The following TCF7L2 variants were observed in gnomAD, a reference collection of about 807,000 sequenced individuals.
The protein encoded by TCF7L2 is transcription factor 7 like 2, also known as transcription factor 7-like 2.
In TCF7L2, 23 loss-of-function variants were observed where a neutral mutation model predicts 77.9. The ratio of observed to expected loss-of-function variants is 0.30; its 90% confidence interval spans 0.21 to 0.42. The LOEUF is 0.42. Ranked by LOEUF, TCF7L2 falls within the 10% of genes least tolerant of loss-of-function variation. TCF7L2 has a pLI of 1.00. For synonymous variants in TCF7L2, 413 were observed against 340.2 expected, an observed-to-expected ratio of 1.21 and a Z score of -2.36; for missense variants, 654 against 793.1, an observed-to-expected ratio of 0.82 and a Z score of 2.11.
intron 5 of TCF7L2, chr10:113,126,739 C>T (rs1183951167): frequency 1.0e-6 from 1 of 985,788 alleles, no homozygotes; most frequent in Non-Finnish European, 1.2e-6. Context: ...GCCGCGGGTG[C>T]GCGGCGGCGG....
At position 112,962,141 on chromosome 10, in the gene TCF7L2, T is replaced by C. The variant is rs1042691735; in HGVS notation, c.382-2415T>C. On this transcript the variant is annotated intron_variant, in intron 3 of 13. Transcript: ENST00000627217. ...ATTAATTTATTCATAAGATTGTGAC[T>C]ATATGAATTTTTTTCAACAACATAT... Among the ~76,000 whole-genome samples the C allele has an allele frequency of 2.6e-5, 4 of 152,190 alleles. No homozygotes were observed. The South Asian group carries it at 8.3e-4, about 31-fold the overall frequency.
At chr10:112,967,488 T>TG (rs2037223568) in intron 4 of TCF7L2, among the ~76,000 whole-genome samples, 1 of 152,206 alleles carries the variant, frequency 6.6e-6, no homozygotes, top group South Asian at 2.1e-4. Flanking sequence ...ATAAAAGGTT[T>TG]GGACACAATA....
chr10:112,983,667 C>T (rs2040934949), intron 4 of TCF7L2, among the ~76,000 whole-genome samples: 1 of 152,084 alleles, frequency 6.6e-6, no homozygotes, highest in Non-Finnish European at 1.5e-5. Context: ...TCCAATTTGC[C>T]TCAAAGACAA....
At chr10:113,136,166 G>T (rs1166829981) in intron 5 of TCF7L2, among the ~76,000 whole-genome samples, 2 of 152,162 alleles carry the variant, frequency 1.3e-5, no homozygotes, top group African/African-American at 2.4e-5. Flanking sequence ...TACTTCATAG[G>T]CTCGTTGTGA....
At chr10:113,075,500 G>C (rs780733964) in intron 5 of TCF7L2, among the ~76,000 whole-genome samples, 4 of 151,898 alleles carry the variant, frequency 2.6e-5, no homozygotes, top group Non-Finnish European at 4.4e-5. Flanking sequence ...ATCTTTAAAT[G>C]AATGGCAACC....
intron 7 of TCF7L2, among the ~76,000 whole-genome samples, chr10:113,144,521 A>C (rs1171302578): frequency 6.6e-6 from 1 of 152,168 alleles, no homozygotes; most frequent in Non-Finnish European, 1.5e-5. Context: ...GGATTAGGGC[A>C]TGTTCTTGTA....
At chr10:113,139,143 C>G (rs2067897368) in intron 5 of TCF7L2, among the ~76,000 whole-genome samples, 1 of 152,178 alleles carries the variant, frequency 6.6e-6, no homozygotes, top group Admixed American at 6.5e-5. Context: ...TGGAGCTGGT[C>G]TGCTTTCTTT....
At chr10:113,083,996 TAAATG>T (rs1449467872) in intron 5 of TCF7L2, among the ~76,000 whole-genome samples, 2 of 152,236 alleles carry the variant, frequency 1.3e-5, no homozygotes, top group African/African-American at 2.4e-5. Context: ...CATAAAGAAT[TAAATG>T]AGATGATTTC....
At chr10:112,957,463 G>A (rs2033966399) in intron 3 of TCF7L2, among the ~76,000 whole-genome samples, 1 of 152,056 alleles carries the variant, frequency 6.6e-6, no homozygotes, top group Admixed American at 6.6e-5. Context: ...GGGATGGGAG[G>A]GCTGCTTATT....
At chr10:113,013,395 G>A (rs1386843661) in intron 4 of TCF7L2, among the ~76,000 whole-genome samples, 3 of 152,128 alleles carry the variant, frequency 2.0e-5, no homozygotes, top group Admixed American at 1.3e-4. Context: ...CTGGGATTAC[G>A]GGCATGAGCC....
chr10:113,021,635 A>AC (rs547302507), intron 4 of TCF7L2, among the ~76,000 whole-genome samples: 3 of 152,230 alleles, frequency 2.0e-5, no homozygotes, highest in South Asian at 4.2e-4. Flanking sequence ...AGGTTAAGTA[A>AC]CCCCCCCAGG....
At chr10:112,974,441 C>CT (rs897929812) in intron 4 of TCF7L2, among the ~76,000 whole-genome samples, 7 of 151,354 alleles carry the variant, frequency 4.6e-5, no homozygotes, top group East Asian at 3.9e-4. Flanking sequence ...CTGGTATTTT[C>CT]TTTTTTTTTG....
intron 5 of TCF7L2, among the ~76,000 whole-genome samples, chr10:113,061,490 T>C (rs11196212): frequency 0.52 from 79,574 of 152,036 alleles, 23,665 homozygotes; most frequent in African/African-American, 0.8. Flanking sequence ...AAACTTCAAT[T>C]TCCAATTTCC....
chr10:113,094,680 C>T (rs1379842447), intron 5 of TCF7L2, among the ~76,000 whole-genome samples: 13 of 152,212 alleles, frequency 8.5e-5, no homozygotes, highest in Non-Finnish European at 7.4e-5. Flanking sequence ...ACTATACATG[C>T]ACTTGTTTTC....
At chr10:113,117,467 C>T (rs2064003663) in intron 5 of TCF7L2, among the ~76,000 whole-genome samples, 1 of 130,374 alleles carries the variant, frequency 7.7e-6, no homozygotes, top group Non-Finnish European at 1.6e-5. Context: ...CTTCTCCCCC[C>T]AACAAATATA....
At chr10:113,068,979 A>G (rs1389055170) in intron 5 of TCF7L2, among the ~76,000 whole-genome samples, 1 of 147,488 alleles carries the variant, frequency 6.8e-6, no homozygotes, top group Non-Finnish European at 1.5e-5. Context: ...CCTTCTTTGG[A>G]TGGGGTGTTT....
chr10:113,018,446 T>C (rs1452176621), intron 4 of TCF7L2, among the ~76,000 whole-genome samples: 1 of 139,824 alleles, frequency 7.2e-6, no homozygotes, highest in East Asian at 2.1e-4. Context: ...CCTGAGTCCT[T>C]TTTTTTTTTT....
chr10:113,005,063 G>A (rs2045287846), intron 4 of TCF7L2, among the ~76,000 whole-genome samples: 1 of 152,224 alleles, frequency 6.6e-6, no homozygotes, highest in Non-Finnish European at 1.5e-5. Flanking sequence ...GGGGAAGGGG[G>A]AGGCTTTTGT....
At chr10:113,139,806 C>A (rs2136776848) in intron 5 of TCF7L2, among the ~76,000 whole-genome samples, 1 of 103,690 alleles carries the variant, frequency 9.6e-6, no homozygotes, top group Non-Finnish European at 1.9e-5. Flanking sequence ...CCTTCCTCAC[C>A]CATTTAAAAA....
Sources: gnomAD v4.1 joint callset for allele counts (sites outside exome capture counted in the v4.1 genomes callset) on GRCh38, gnomAD v4.1.1 for gene constraint, MANE v1.5 for transcripts, NCBI Gene and HGNC (gene_info 2026-07-23, HGNC 2026-07-21) for gene names.